Variants in TACC1 observed in about 807,000 individuals in gnomAD.
The protein encoded by TACC1 is transforming acidic coiled-coil containing protein 1, also known as transforming acidic coiled-coil-containing protein 1.
In TACC1, 48 loss-of-function variants were observed where a neutral mutation model predicts 84.4. The ratio of observed to expected loss-of-function variants is 0.57; its 90% CI spans 0.45 to 0.72. The LOEUF (loss-of-function observed/expected upper bound fraction) is 0.72, where lower values mean the gene tolerates loss of function less well. TACC1 is among the 30% of genes least tolerant of loss of function. The pLI, the probability that TACC1 is intolerant of heterozygous loss-of-function variation, is 0.00. For missense variants in TACC1, 920 were observed against 973.0 expected, an observed-to-expected ratio of 0.95 and a Z score of 0.72; for synonymous variants, 372 against 376.3, an observed-to-expected ratio of 0.99 and a Z score of 0.13.
At chr8:38,749,991 T>C (rs892185707) in intron 3 of TACC1, among the ~76,000 whole-genome samples, 1 of 152,140 alleles carries the variant, frequency 6.6e-6, no homozygotes, top group African/African-American at 2.4e-5. Context: ...GTAGCTAACA[T>C]AGTACTTAGA....
At position 38,732,186 on chromosome 8, in the gene TACC1, G is replaced by GAGGGAAA. The variant is rs1563736480; in HGVS notation, c.-675+3515_-675+3516insAGGGAAA. Among the ~76,000 whole-genome samples the GAGGGAAA allele has an allele frequency of 6.4e-4, 81 of 127,164 alleles. 2 individuals carry two copies. Among genetic ancestry groups the GAGGGAAA allele is most frequent in the Middle Eastern group, 3.9e-3 (1 of 256 alleles). The allele number at this position is 127,164 out of a possible 152,430, so 83.4% of individuals were successfully genotyped here. A position where few individuals can be genotyped will look rare whatever the true frequency, so the allele number is the denominator to read the frequency against. On this transcript the variant is annotated intron_variant, in intron 1 of 14. Transcript: ENST00000518415. ...GAAGGAAGGAAGGAAGGAAGGAAGAGGGAAAGGAAAGGAAAGGAAAGGAAA... is the reference window on the plus strand; with the variant it reads ...GAAGGAAGGAAGGAAGGAAGGAAGAGAGGGAAAGGAAAGGAAAGGAAAGGAAAGGAAA...
chr8:38,808,784 G>A (rs111874398), intron 2 of TACC1, among the ~76,000 whole-genome samples: 1,724 of 152,292 alleles, frequency 0.011, 17 homozygotes, highest in Middle Eastern at 0.048. Flanking sequence ...TAGTGTAAAT[G>A]CAAATAGAAT....
At chr8:38,810,939 C>T (rs936372053) in intron 2 of TACC1, among the ~76,000 whole-genome samples, 4 of 151,958 alleles carry the variant, frequency 2.6e-5, no homozygotes, top group South Asian at 2.1e-4. Context: ...CAACGTAGTG[C>T]GACCCCGCCA....
At chr8:38,770,500 T>C (rs1477506691) in intron 3 of TACC1, among the ~76,000 whole-genome samples, 1 of 152,124 alleles carries the variant, frequency 6.6e-6, no homozygotes, top group Non-Finnish European at 1.5e-5. Flanking sequence ...TGAGCTCTCT[T>C]CCACTTTCAT....
At chr8:38,768,067 TGAAGGAAG>T (rs72090925) in intron 3 of TACC1, among the ~76,000 whole-genome samples, 27,324 of 119,642 alleles carry the variant, frequency 0.23, 3,207 homozygotes, top group East Asian at 0.27. Flanking sequence ...GACGCTGTCT[TGAAGGAAG>T]GAAGGAAGGA....
intron 2 of TACC1, among the ~76,000 whole-genome samples, chr8:38,796,344 C>T (rs529521350): frequency 6.6e-6 from 1 of 152,290 alleles, no homozygotes; most frequent in South Asian, 2.1e-4. Context: ...GAATCCCTCT[C>T]TGTTGTTCAC....
intron 2 of TACC1, among the ~76,000 whole-genome samples, chr8:38,808,558 A>C (rs1425263217): frequency 6.6e-6 from 1 of 152,202 alleles, no homozygotes; most frequent in African/African-American, 2.4e-5. Flanking sequence ...AACTACAAGC[A>C]TGTGCCACCA....
At chr8:38,843,228 T>G in intron 10 of TACC1, 61 bp from the exon 11 acceptor site, 1 of 1,126,608 alleles carries the variant, frequency 8.9e-7, no homozygotes, top group Non-Finnish European at 1.3e-6. Context: ...AAAACTCTGA[T>G]ATGTGGTAGA....
chr8:38,734,034 T>C (rs1190770454), intron 1 of TACC1, among the ~76,000 whole-genome samples: 1 of 152,018 alleles, frequency 6.6e-6, no homozygotes, highest in Non-Finnish European at 1.5e-5. Flanking sequence ...GTTTAATAAG[T>C]ATGGGGAACT....
chr8:38,792,712 G>A (rs1175599830), intron 2 of TACC1, among the ~76,000 whole-genome samples: 4 of 152,102 alleles, frequency 2.6e-5, no homozygotes, highest in Non-Finnish European at 4.4e-5. Flanking sequence ...TGATCCGCCC[G>A]CCTTGGCCTC....
chr8:38,820,610 A>G lies in TACC1; in HGVS notation c.1366A>G (p.Lys456Glu), dbSNP rs1826558821. Residue 456 changes from lysine to glutamate, a missense_variant, in exon 3 of 13, where the codon AAG becomes GAG. This residue lies in a region of TACC1 where 762 missense variants were observed against 747.3 expected (regional missense o/e 1.02). Transcript: ENST00000317827. ...NHVNEILESP[K>E]KAKSRLITSG... ...CGTTAATGAAATCTTAGAATCACCC[A>G]AGAAGGCAAAGTCGCGTTTAATAAC... is the stretch of plus-strand genomic sequence containing the variant. The G allele has an allele frequency of 6.2e-7, 1 of 1,609,456 alleles. No individual in the cohort carries two copies. The highest frequency in any genetic ancestry group is 8.5e-7 in the Non-Finnish European group (1 of 1,179,724).
chr8:38,845,157 T>G (rs1831979087), intron 11 of TACC1, among the ~76,000 whole-genome samples: 2 of 152,306 alleles, frequency 1.3e-5, no homozygotes, highest in South Asian at 4.1e-4. Context: ...ACTTCTGACC[T>G]CAAGTGATCC....
intron 6 of TACC1, among the ~76,000 whole-genome samples, chr8:38,833,795 A>G (rs1424637315): frequency 6.6e-6 from 1 of 152,218 alleles, no homozygotes; most frequent in Non-Finnish European, 1.5e-5. Flanking sequence ...CATGGAAAGC[A>G]CTGAGAGTCT....
At position 38,758,276 on chromosome 8, in the gene TACC1, A is replaced by G. The variant is rs113470052; in HGVS notation, c.26+12783A>G. 2.2e-3 allele frequency among the ~76,000 whole-genome samples: 340 copies of G among 152,328 alleles called. 3 individuals are homozygous for G. Among genetic ancestry groups the G allele is most frequent in the African/African-American group, 7.5e-3 (310 of 41,568 alleles). ...GCCTGGACCGCGGGAGGGCTTTTGA[A>G]TCATCTTTTCAAGGCAAAATAGCTT... On this transcript the variant is annotated intron_variant, in intron 3 of 14. Transcript: ENST00000518415.
chr8:38,852,034 C>T lies in TACC1; in HGVS notation c.*4011C>T, dbSNP rs1477489333. ...TAAAGAAACTGATGTAACAGACTCT[C>T]CTCTCAAAGGATCTCCTCTGGAAGA... On this transcript the variant is annotated 3_prime_UTR_variant, in exon 13 of 13. Coordinates refer to ENST00000317827, the MANE Select transcript of TACC1 (RefSeq NM_006283.3). The T allele has an allele frequency of 2.2e-6, 1 of 452,590 alleles. No individual in the cohort carries two copies. The highest frequency in any genetic ancestry group is 7.0e-5 in the East Asian group (1 of 14,368). 28.0% of individuals were successfully genotyped at this position (452,590 alleles called of 1,614,324 possible).
chr8:38,734,559 CAG>C (rs1253532974), intron 1 of TACC1, among the ~76,000 whole-genome samples: 2 of 152,180 alleles, frequency 1.3e-5, no homozygotes, highest in East Asian at 3.9e-4. Flanking sequence ...GTTGCAAAAG[CAG>C]ACACGATACA....
intron 3 of TACC1, 29 bp from the exon 4 acceptor site, chr8:38,825,279 T>C (rs367634608): frequency 1.2e-6 from 2 of 1,613,662 alleles, no homozygotes; most frequent in Non-Finnish European, 1.7e-6. Context: ...GATTGCAAAC[T>C]GGCTTGTTTG....
chr8:38,742,328 C>A, intron 1 of TACC1: 1 of 1,107,768 alleles, frequency 9.0e-7, no homozygotes, highest in Non-Finnish European at 1.2e-6. Context: ...ATGTGACTCC[C>A]ACCTGACTTA....
At chr8:38,798,276 C>G (rs1432543063) in intron 2 of TACC1, among the ~76,000 whole-genome samples, 1 of 152,146 alleles carries the variant, frequency 6.6e-6, no homozygotes, top group Non-Finnish European at 1.5e-5. Flanking sequence ...GCGTGTACCA[C>G]TACACCTGGC....
Sources: gnomAD v4.1 joint callset for allele counts (sites outside exome capture counted in the v4.1 genomes callset) on GRCh38, gnomAD v4.1.1 for gene constraint, gnomAD v4.1.1 regional missense constraint, MANE v1.5 for transcripts, NCBI Gene and HGNC (gene_info 2026-07-23, HGNC 2026-07-21) for gene names.